Variants in KDM1B observed in about 807,000 individuals in gnomAD.
The protein encoded by KDM1B is lysine demethylase 1B.
A neutral mutation model predicts 107.4 loss-of-function variants in KDM1B; 63 were observed. That is an observed-to-expected ratio of 0.59 (90% CI 0.48 to 0.72). The LOEUF is 0.72. Ranked by LOEUF, KDM1B falls within the 30% of genes least tolerant of loss-of-function variation. KDM1B has a pLI of 0.00. For synonymous variants in KDM1B, 363 were observed against 363.9 expected (o/e 1.00, Z 0.03); for missense variants, 749 against 1,020.8 (o/e 0.73, Z 3.63).
intron 12 of KDM1B, among the ~76,000 whole-genome samples, chr6:18,198,637 CAAAAAAAAAA>C (rs762849198): frequency 7.2e-5 from 5 of 69,222 alleles, no homozygotes; most frequent in Non-Finnish European, 1.2e-4. Context: ...GACTCCATCT[CAAAAAAAAAA>C]AAAAAAAAAA....
intron 16 of KDM1B, 138 bp from the exon 17 acceptor site, chr6:18,207,994 A>C: frequency 1.4e-6 from 1 of 697,150 alleles, no homozygotes; most frequent in African/African-American, 1.8e-5. Flanking sequence ...AGCTATAACA[A>C]TTGTTTAGAT....
rs1784555837 is a variant in KDM1B, at chr6:18,155,831, TCGCGA to T, written c.-57-51_-57-47del. ...TTGGGGCGTGGGGTCGCCGGGTTCG[TCGCGA>T]TGTTGCCGGTCGGCTAACCCCCCTA... On this transcript the variant is annotated intron_variant, in intron 1 of 21. Transcript: ENST00000650836. This position sits in a 1 kb window ranked among gnomAD's most constrained non-coding sequence, Gnocchi z 6.2. The T allele has an allele frequency of 6.6e-6, 1 of 152,248 alleles. No homozygotes were observed. The highest frequency in any genetic ancestry group is 2.4e-5 in the African/African-American group (1 of 41,418). The allele number at this position is 152,248 out of a possible 1,614,324, so 9.4% of individuals were successfully genotyped here. A position where few individuals can be genotyped will look rare whatever the true frequency, so the allele number is the denominator to read the frequency against.
rs552116170 is a variant in KDM1B at position 18,223,599 on chromosome 6, A to G, written c.*1607A>G. On this transcript the variant is annotated 3_prime_UTR_variant, in exon 22 of 22. Coordinates refer to ENST00000650836, the MANE Select transcript of KDM1B (RefSeq NM_001364614.2). Reference sequence around the variant, plus strand: ...AGTTTCCAGGCACTTGAACTGTGCTACAAGTAGGGGAAAACCTACTTTAAA... The same window carrying G: ...AGTTTCCAGGCACTTGAACTGTGCTGCAAGTAGGGGAAAACCTACTTTAAA... The G allele has an allele frequency of 6.6e-6, 1 of 152,232 alleles. No individual in the cohort carries two copies. The highest frequency in any genetic ancestry group is 1.5e-5 in the Non-Finnish European group (1 of 68,036). The allele number at this position is 152,232 out of a possible 1,614,324, so 9.4% of individuals were successfully genotyped here. A position where few individuals can be genotyped will look rare whatever the true frequency, so the allele number is the denominator to read the frequency against.
In KDM1B at chr6:18,161,340, C is replaced by T. The variant is rs1340969718; in HGVS notation, c.101C>T (p.Ala34Val). The T allele has an allele frequency of 1.9e-6, 3 of 1,613,784 alleles. No individual in the cohort carries two copies. Among genetic ancestry groups the T allele is most frequent in the Non-Finnish European group, 1.7e-6 (2 of 1,179,876 alleles). Reference protein sequence around the residue: ...RSSGRQAKKKATETTDEDEDG... With the variant: ...RSSGRQAKKKVTETTDEDEDG... ...TGACTCCCTTAGGCGAAGAAGAAAG[C>T]AACAGAGACAACAGATGAGGATGAA... The change falls in exon 4 of 22, where the codon GCA (alanine) becomes GTA (valine). Residue 34 changes from alanine to valine, a missense_variant. Physicochemically the swap from Ala to Val is moderately conservative, Grantham distance 64 (BLOSUM62 0). Coordinates refer to ENST00000650836, the MANE Select transcript of KDM1B (RefSeq NM_001364614.2).
At position 18,200,441 on chromosome 6, in the gene KDM1B, G is replaced by A. The variant is rs780395293; in HGVS notation, c.1224G>A (p.Val408=). ...ARQLHNFGIK[V]TVLEAKDRIG... ...TCCCTGACTGTCTGTCTTTTTAGGT[G>A]ACTGTCCTGGAAGCCAAAGACAGAA... The change falls in exon 13 of 22, where the codon GTG becomes GTA. Residue 408 remains valine, a splice_region_variant and synonymous_variant. Coordinates refer to ENST00000650836, the MANE Select transcript of KDM1B (RefSeq NM_001364614.2). The surrounding 1 kb of genome is among the most constrained non-coding windows in gnomAD (Gnocchi z 4.3). 4 of 1,613,412 alleles carry A rather than the reference G, an allele frequency of 2.5e-6. No homozygotes were observed. The highest frequency in any genetic ancestry group is 1.7e-4 in the Middle Eastern group (1 of 6,058).
In KDM1B at chr6:18,217,845, T is replaced by C. The variant is rs559624098; in HGVS notation, c.2345T>C (p.Ile782Thr). 105 of 1,613,800 alleles carry C rather than the reference T, an allele frequency of 6.5e-5. No homozygotes were observed. The highest frequency in any genetic ancestry group is 8.1e-5 in the Non-Finnish European group (96 of 1,179,948). Residue 782 changes from isoleucine to threonine, a missense_variant, in exon 21 of 22, where the codon ATT becomes ACT. By Grantham distance (89) the Ile-to-Thr change is moderately conservative (BLOSUM62 -1). Coordinates refer to ENST00000650836, the MANE Select transcript of KDM1B (RefSeq NM_001364614.2). ...GGAAGTGGGGAGGCCTACGATATCATTGCTGAAGACATTCAAGGAACCGTC... is the reference window on the plus strand; with the variant it reads ...GGAAGTGGGGAGGCCTACGATATCACTGCTGAAGACATTCAAGGAACCGTC... ...TGGSGEAYDI[I>T]AEDIQGTVFF...
chr6:18,158,546 G>A (rs1784778660), intron 2 of KDM1B, among the ~76,000 whole-genome samples: 1 of 152,068 alleles, frequency 6.6e-6, no homozygotes, highest in African/African-American at 2.4e-5. Flanking sequence ...TCTGGAATTT[G>A]TATTTTATGG....
Position 18,213,483 on chromosome 6 carries a change from A to G in KDM1B, c.1984-173A>G, listed in dbSNP as rs1426862411. 6.6e-6 allele frequency among the ~76,000 whole-genome samples: 1 copy of G among 151,928 alleles called. No individual in the cohort carries two copies. The highest frequency in any genetic ancestry group is 1.5e-5 in the Non-Finnish European group (1 of 67,948). ...AACAAAACAAAACAAAAAACAACCA[A>G]GGAGTTCACAGGGGGAAAAAAGGAG... On this transcript the variant is annotated intron_variant, in intron 18 of 21. Coordinates refer to ENST00000650836, the MANE Select transcript of KDM1B (RefSeq NM_001364614.2). The surrounding 1 kb of genome is among the most constrained non-coding windows in gnomAD (Gnocchi z 5.9).
At chr6:18,168,680 C>T (rs1582093760) in intron 6 of KDM1B, among the ~76,000 whole-genome samples, 1 of 149,360 alleles carries the variant, frequency 6.7e-6, no homozygotes, top group African/African-American at 2.5e-5. Context: ...AAACTCTTTT[C>T]CATAGTTCCT....
Position 18,212,337 on chromosome 6 carries a change from A to ATT in KDM1B, c.1867-150_1867-149dup, listed in dbSNP as rs2151022410. 1 of 679,150 alleles carries ATT rather than the reference A, an allele frequency of 1.5e-6. No individual in the cohort carries two copies. The highest frequency in any genetic ancestry group is 2.5e-5 in the East Asian group (1 of 40,230). 42.1% of individuals were successfully genotyped at this position (679,150 alleles called of 1,614,324 possible). Reference sequence around the variant, plus strand: ...GGTTGCCACTTCTGCTTAGCCAGGCATTGGCACCCTTGTGCAGTGAGCAAC... The same window carrying ATT: ...GGTTGCCACTTCTGCTTAGCCAGGCATTTTGGCACCCTTGTGCAGTGAGCAAC... On this transcript the variant is annotated intron_variant, in intron 17 of 21. Transcript: ENST00000650836. The surrounding 1 kb of genome is among the most constrained non-coding windows in gnomAD (Gnocchi z 5.2).
chr6:18,184,367 C>G (rs1431346624), intron 7 of KDM1B, among the ~76,000 whole-genome samples: 1 of 150,968 alleles, frequency 6.6e-6, no homozygotes, highest in African/African-American at 2.4e-5. Context: ...TTCCGCCTTC[C>G]AGGTTCAAGT....
chr6:18,165,270 A>G (rs963040550), intron 5 of KDM1B, among the ~76,000 whole-genome samples: 2 of 150,800 alleles, frequency 1.3e-5, no homozygotes, highest in Non-Finnish European at 2.9e-5. Flanking sequence ...AGCTGGGACT[A>G]CAGGCACCCG....
rs1175071806 is a variant in KDM1B at position 18,211,698 on chromosome 6, A to G, written c.1867-790A>G. 3 of 152,208 alleles carry G rather than the reference A, an allele frequency of 2.0e-5. No homozygotes were observed. The highest frequency in any genetic ancestry group is 7.2e-5 in the African/African-American group (3 of 41,430). 9.4% of individuals were successfully genotyped at this position (152,208 alleles called of 1,614,324 possible). ...ATGGGGTCTGGAGCCAGAAATGTCC[A>G]ATTCCCAATGTTTGTGATGTGTTTC... On this transcript the variant is annotated intron_variant, in intron 17 of 21. Coordinates refer to ENST00000650836, the MANE Select transcript of KDM1B (RefSeq NM_001364614.2). This position sits in a 1 kb window ranked among gnomAD's most constrained non-coding sequence, Gnocchi z 5.2.
At chr6:18,221,629 A>T (rs1789752467) in intron 21 of KDM1B, among the ~76,000 whole-genome samples, 2 of 152,188 alleles carry the variant, frequency 1.3e-5, no homozygotes, top group East Asian at 3.9e-4. Flanking sequence ...GATGGGAGGG[A>T]CTGTGTCTTA....
intron 7 of KDM1B, among the ~76,000 whole-genome samples, chr6:18,183,452 G>T (rs1354162996): frequency 2.0e-5 from 3 of 151,628 alleles, no homozygotes; most frequent in African/African-American, 7.3e-5. Flanking sequence ...TAGAGACGGG[G>T]TTTCATCACG....
At chr6:18,215,712 T>A (rs939307556) in intron 20 of KDM1B, among the ~76,000 whole-genome samples, 1 of 152,108 alleles carries the variant, frequency 6.6e-6, no homozygotes, top group Admixed American at 6.5e-5. Flanking sequence ...CTTCCTTCCT[T>A]TTTTTCTTCT....
In KDM1B at chr6:18,172,410, A is replaced by T. The variant is rs1785717699; in HGVS notation, c.534+931A>T. ...TTCACCCTTTTAAAGCATACAATTG[A>T]GTGGCTGTGGTGCAGGTTGAGCACC... On this transcript the variant is annotated intron_variant, in intron 7 of 21. Transcript: ENST00000650836. The surrounding 1 kb of genome is among the most constrained non-coding windows in gnomAD (Gnocchi z 5.2). Among the ~76,000 whole-genome samples the T allele has an allele frequency of 6.6e-6, 1 of 152,198 alleles. No individual in the cohort carries two copies. Among genetic ancestry groups the T allele is most frequent in the South Asian group, 2.1e-4 (1 of 4,836 alleles).
chr6:18,185,347 G>C (rs1786786184), intron 7 of KDM1B, among the ~76,000 whole-genome samples: 2 of 151,438 alleles, frequency 1.3e-5, no homozygotes, highest in South Asian at 4.2e-4. Flanking sequence ...TGTTACCCAG[G>C]CTGGAGCGCA....
rs1789929351 is a variant in KDM1B, at chr6:18,223,350, C to CCCCT, written c.*1361_*1362insTCCC. The stretch of plus-strand genomic sequence containing the variant: ...CCTCCCCCACCGCCCGCCCCCCGCC[C>CCCCT]CCCCCAATCAAAGTGTGGTCCCAAA... On this transcript the variant is annotated 3_prime_UTR_variant, in exon 22 of 22. Coordinates refer to ENST00000650836, the MANE Select transcript of KDM1B (RefSeq NM_001364614.2). 7.5e-6 allele frequency: 1 copy of CCCCT among 133,124 alleles called. No individual in the cohort carries two copies. Among genetic ancestry groups the CCCCT allele is most frequent in the African/African-American group, 2.8e-5 (1 of 35,130 alleles). 8.2% of individuals were successfully genotyped at this position (133,124 alleles called of 1,614,324 possible).
Sources: gnomAD v4.1 joint callset for allele counts (sites outside exome capture counted in the v4.1 genomes callset) on GRCh38, gnomAD v4.1.1 for gene constraint, Gnocchi (gnomAD v3.1) non-coding constraint, MANE v1.5 for transcripts, NCBI Gene and HGNC (gene_info 2026-07-23, HGNC 2026-07-21) for gene names.